The following SEMA5A variants were observed in gnomAD, a reference collection of about 807,000 sequenced individuals.
SEMA5A encodes the protein semaphorin-5A.
A neutral mutation model predicts 135.5 loss-of-function variants in SEMA5A; 55 were observed. The observed-to-expected ratio is 0.41, with a 90% CI of 0.33 to 0.51. The LOEUF (loss-of-function observed/expected upper bound fraction) is 0.51. Among genes scored for constraint, SEMA5A ranks in the 20% least tolerant of loss-of-function variants. The pLI is 0.37. For synonymous variants in SEMA5A, 580 were observed against 546.5 expected, an observed-to-expected ratio of 1.06 and a Z score of -0.85; for missense variants, 1,290 against 1,419.9, an observed-to-expected ratio of 0.91 and a Z score of 1.47.
Position 9,507,990 on chromosome 5 carries a change from C to A in SEMA5A, c.-175+37594G>T, listed in dbSNP as rs1465838174. Among the ~76,000 whole-genome samples the A allele has an allele frequency of 2.9e-5, 4 of 137,968 alleles. No homozygotes were observed. In the East Asian group the frequency reaches 6.3e-4, roughly 22 times the overall value. 90.5% of individuals were successfully genotyped at this position (137,968 alleles called of 152,430 possible). Reference sequence around the variant, plus strand: ...CTGCATTCCAGCCTGGGCGAGAGAGCAAGACTCTGTCTCAAAAAAAAAAAA... The same window carrying A: ...CTGCATTCCAGCCTGGGCGAGAGAGAAAGACTCTGTCTCAAAAAAAAAAAA... On this transcript the variant is annotated intron_variant, in intron 1 of 22. Transcript: ENST00000382496.
At chr5:9,431,608 A>G (rs1310119544) in intron 2 of SEMA5A, among the ~76,000 whole-genome samples, 1 of 152,188 alleles carries the variant, frequency 6.6e-6, no homozygotes, top group Non-Finnish European at 1.5e-5. Flanking sequence ...GGCCTCTCCA[A>G]TACTCTGATC....
intron 4 of SEMA5A, among the ~76,000 whole-genome samples, chr5:9,331,103 C>T (rs756804692): frequency 3.3e-5 from 5 of 152,076 alleles, no homozygotes; most frequent in Non-Finnish European, 5.9e-5. Context: ...TTGGAAAAGA[C>T]GAATAAGTGT....
intron 16 of SEMA5A, among the ~76,000 whole-genome samples, chr5:9,085,194 A>G (rs1363508120): frequency 6.6e-6 from 1 of 152,238 alleles, no homozygotes; most frequent in Non-Finnish European, 1.5e-5. Flanking sequence ...CAGCTTGACA[A>G]TGGGATAGAA....
chr5:9,270,887 C>G (rs1204445710), intron 5 of SEMA5A, among the ~76,000 whole-genome samples: 5 of 152,156 alleles, frequency 3.3e-5, no homozygotes, highest in East Asian at 3.9e-4. Context: ...TCAAATCCAG[C>G]CCATTGCCTA....
intron 2 of SEMA5A, among the ~76,000 whole-genome samples, chr5:9,431,517 G>A (rs1757854815): frequency 6.6e-6 from 1 of 152,054 alleles, no homozygotes; most frequent in South Asian, 2.1e-4. Flanking sequence ...GGCTCAAAAA[G>A]ACACAAACAC....
chr5:9,359,454 T>C (rs563543800), intron 3 of SEMA5A, among the ~76,000 whole-genome samples: 1 of 152,294 alleles, frequency 6.6e-6, no homozygotes, highest in East Asian at 1.9e-4. Context: ...ATCCAGTAGA[T>C]TCCCTTTATA....
chr5:9,394,271 C>A (rs896356141), intron 2 of SEMA5A, among the ~76,000 whole-genome samples: 29 of 152,278 alleles, frequency 1.9e-4, no homozygotes, highest in African/African-American at 5.5e-4. Flanking sequence ...CATTTTAGAA[C>A]CTTATCCATT....
intron 13 of SEMA5A, among the ~76,000 whole-genome samples, chr5:9,129,229 CA>C (rs1487994891): frequency 6.6e-6 from 1 of 152,314 alleles, no homozygotes; most frequent in Admixed American, 6.5e-5. Context: ...AAACAGTTAC[CA>C]AACCCTGGAA....
intron 2 of SEMA5A, among the ~76,000 whole-genome samples, chr5:9,432,601 C>T (rs532917638): frequency 2.0e-5 from 3 of 152,220 alleles, no homozygotes; most frequent in South Asian, 2.1e-4. Flanking sequence ...ACTCTTGGTC[C>T]GATCTGTCCA....
chr5:9,503,123 AAGAGAG>A (rs3842079), intron 1 of SEMA5A, among the ~76,000 whole-genome samples: 41 of 150,862 alleles, frequency 2.7e-4, no homozygotes, highest in African/African-American at 7.8e-4. Flanking sequence ...AATAGCATAA[AAGAGAG>A]AGAGAGAGAG....
At chr5:9,330,246 C>A (rs986798568) in intron 4 of SEMA5A, among the ~76,000 whole-genome samples, 1 of 151,902 alleles carries the variant, frequency 6.6e-6, no homozygotes, top group African/African-American at 2.4e-5. Context: ...AAAAATTAGC[C>A]GGGCGTGGTA....
At chr5:9,166,232 G>C (rs780813352) in intron 11 of SEMA5A, among the ~76,000 whole-genome samples, 1 of 152,146 alleles carries the variant, frequency 6.6e-6, no homozygotes, top group South Asian at 2.1e-4. Context: ...CTGTGACCCT[G>C]TTGGTTTCCA....
At chr5:9,377,238 A>G (rs1445264727) in intron 3 of SEMA5A, among the ~76,000 whole-genome samples, 1 of 152,218 alleles carries the variant, frequency 6.6e-6, no homozygotes. Context: ...ATCTAAGGAA[A>G]GAGAACATAA....
At chr5:9,476,235 A>C (rs1027528865) in intron 1 of SEMA5A, among the ~76,000 whole-genome samples, 1 of 152,226 alleles carries the variant, frequency 6.6e-6, no homozygotes, top group Non-Finnish European at 1.5e-5. Context: ...AATTAGGTGG[A>C]CATAAATACA....
Position 9,395,458 on chromosome 5 carries a change from C to T in SEMA5A, c.-77-15435G>A, listed in dbSNP as rs78706597. Among the ~76,000 whole-genome samples, 1,030 of 152,254 alleles carry T rather than the reference C, an allele frequency of 6.8e-3. 16 individuals are homozygous for T. The highest frequency in any genetic ancestry group is 0.024 in the African/African-American group (977 of 41,544). On this transcript the variant is annotated intron_variant, in intron 2 of 22. Coordinates refer to ENST00000382496, the MANE Select transcript of SEMA5A (RefSeq NM_003966.3). ...ATGATAGCCATTCCTAAAACTGGAA[C>T]CTGCTACCTCTTACTTGCTAGACTC...
chr5:9,386,387 AT>A (rs1409953565), intron 2 of SEMA5A, among the ~76,000 whole-genome samples: 11 of 152,308 alleles, frequency 7.2e-5, no homozygotes, highest in Non-Finnish European at 1.5e-4. Flanking sequence ...AAAAAAAATC[AT>A]GCTTTTAGAG....
At chr5:9,393,187 A>C (rs1443171803) in intron 2 of SEMA5A, among the ~76,000 whole-genome samples, 1 of 152,238 alleles carries the variant, frequency 6.6e-6, no homozygotes, top group Non-Finnish European at 1.5e-5. Flanking sequence ...CAAAATATTA[A>C]AACCTATGTG....
chr5:9,245,681 G>A (rs1256932716), intron 5 of SEMA5A, among the ~76,000 whole-genome samples: 1 of 152,180 alleles, frequency 6.6e-6, no homozygotes, highest in Non-Finnish European at 1.5e-5. Context: ...TTAATTTACT[G>A]AGTGAAGGAT....
At chr5:9,130,885 T>G (rs1347499740) in intron 13 of SEMA5A, among the ~76,000 whole-genome samples, 1 of 152,202 alleles carries the variant, frequency 6.6e-6, no homozygotes, top group Non-Finnish European at 1.5e-5. Flanking sequence ...TCCTGGTTTC[T>G]TTCCCAGTGC....
Sources: allele counts gnomAD v4.1 joint callset (sites outside exome capture counted in the v4.1 genomes callset), GRCh38; gene constraint gnomAD v4.1.1; transcripts MANE v1.5; gene names NCBI Gene and HGNC (gene_info 2026-07-23, HGNC 2026-07-21).